The following AFF3 variants were observed in gnomAD, a reference collection of about 807,000 sequenced individuals.
AFF3 encodes AF4/FMR2 family member 3.
Under a neutral mutation model 129.7 loss-of-function variants are expected in AFF3, and 32 were observed. That is an observed-to-expected ratio of 0.25 (90% confidence interval 0.19 to 0.33). The LOEUF is 0.33. AFF3 is among the 10% of genes least tolerant of loss of function. AFF3 has a pLI of 1.00. For synonymous variants in AFF3, 644 were observed against 635.4 expected (o/e 1.01, Z -0.20); for missense variants, 1,373 against 1,592.0 (o/e 0.86, Z 2.34).
At chr2:99,788,011 G>A (rs1684929788) in intron 8 of AFF3, among the ~76,000 whole-genome samples, 1 of 152,210 alleles carries the variant, frequency 6.6e-6, no homozygotes, top group African/African-American at 2.4e-5. Context: ...CTATCACCTA[G>A]TGATGCAATA....
At chr2:99,658,527 T>C (rs1685954333) in intron 12 of AFF3, among the ~76,000 whole-genome samples, 1 of 152,166 alleles carries the variant, frequency 6.6e-6, no homozygotes, top group African/African-American at 2.4e-5. Flanking sequence ...GTAGTTGTTT[T>C]TTAGTAGAGA....
At chr2:100,018,312 T>C (rs897449868) in intron 4 of AFF3, among the ~76,000 whole-genome samples, 6 of 152,188 alleles carry the variant, frequency 3.9e-5, no homozygotes, top group African/African-American at 1.4e-4. Flanking sequence ...CAAACTGGTA[T>C]TGGACACTCA....
chr2:100,029,060 C>G (rs1371527163), intron 4 of AFF3, among the ~76,000 whole-genome samples: 1 of 152,124 alleles, frequency 6.6e-6, no homozygotes, highest in Non-Finnish European at 1.5e-5. Flanking sequence ...TGTGCACACT[C>G]ATAGAATGGA....
chr2:99,823,888 G>A (rs1687873462), intron 8 of AFF3, among the ~76,000 whole-genome samples: 1 of 152,074 alleles, frequency 6.6e-6, no homozygotes, highest in Admixed American at 6.6e-5. Flanking sequence ...TCATAAGTAG[G>A]TGCTAGACAC....
intron 12 of AFF3, among the ~76,000 whole-genome samples, chr2:99,657,185 C>T (rs1685824043): frequency 6.6e-6 from 1 of 152,148 alleles, no homozygotes; most frequent in Admixed American, 6.5e-5. Flanking sequence ...CAGCAGAGGA[C>T]GAATCCTTCT....
intron 7 of AFF3, among the ~76,000 whole-genome samples, chr2:99,974,205 A>AT (rs1045414023): frequency 9.2e-5 from 14 of 152,028 alleles, no homozygotes; most frequent in African/African-American, 3.1e-4. Flanking sequence ...AAATGTGATA[A>AT]TTTTTTTTAA....
At chr2:99,725,595 G>A (rs1387625978) in intron 11 of AFF3, among the ~76,000 whole-genome samples, 1 of 152,146 alleles carries the variant, frequency 6.6e-6, no homozygotes, top group South Asian at 2.1e-4. Flanking sequence ...CTCCCAAAGT[G>A]TTGGGATTAC....
At chr2:99,830,734 C>CA (rs1423853494) in intron 8 of AFF3, among the ~76,000 whole-genome samples, 2 of 151,998 alleles carry the variant, frequency 1.3e-5, no homozygotes, top group Non-Finnish European at 2.9e-5. Context: ...GACTTTGTCT[C>CA]AAAAAAGACA....
chr2:99,698,836 C>A (rs1230598145), intron 11 of AFF3, among the ~76,000 whole-genome samples: 1 of 151,962 alleles, frequency 6.6e-6, no homozygotes, highest in Non-Finnish European at 1.5e-5. Context: ...TAAATATAAC[C>A]AAAATGTTAT....
At chr2:99,963,716 AAAATAG>A (rs1447357484) in intron 7 of AFF3, among the ~76,000 whole-genome samples, 1 of 152,088 alleles carries the variant, frequency 6.6e-6, no homozygotes, top group Non-Finnish European at 1.5e-5. Context: ...GACAATTAAG[AAAATAG>A]AAACAGAAGA....
chr2:99,808,275 C>G (rs911679630), intron 8 of AFF3, among the ~76,000 whole-genome samples: 1 of 152,088 alleles, frequency 6.6e-6, no homozygotes, highest in African/African-American at 2.4e-5. Context: ...AACAAGTGAA[C>G]AAGGCAGAAT....
intron 4 of AFF3, among the ~76,000 whole-genome samples, chr2:100,036,672 T>C (rs1164231699): frequency 2.0e-5 from 3 of 151,234 alleles, no homozygotes; most frequent in Non-Finnish European, 4.4e-5. Flanking sequence ...AAAAGATATG[T>C]GACATATAAG....
At chr2:99,761,127 C>T (rs761499795) in intron 8 of AFF3, among the ~76,000 whole-genome samples, 6 of 151,726 alleles carry the variant, frequency 4.0e-5, no homozygotes, top group Non-Finnish European at 8.8e-5. Flanking sequence ...CACAGCATCG[C>T]CAGTCCCTTC....
intron 20 of AFF3, among the ~76,000 whole-genome samples, chr2:99,563,891 G>A (rs530468806): frequency 1.3e-4 from 19 of 151,504 alleles, no homozygotes; most frequent in South Asian, 2.1e-4. Context: ...TGTATTTTGC[G>A]TGATTCTATC....
intron 8 of AFF3, among the ~76,000 whole-genome samples, chr2:99,789,291 C>A (rs10204617): frequency 0.72 from 108,853 of 151,492 alleles, 40,736 homozygotes; most frequent in South Asian, 0.9. Flanking sequence ...CTGGGCATGG[C>A]AGTGCATGTA....
At position 99,554,372 on chromosome 2, in the gene AFF3, G is replaced by A; in HGVS notation, c.3498C>T (p.Asn1166=). The change falls in exon 24 of 25, where the codon AAC becomes AAT. Residue 1166 remains asparagine, a synonymous_variant. Transcript: ENST00000672756. ...QMAANHVSIT[N]SILHSYDYWE... ...AGTAGTCGTAGCTGTGCAGGATGCTGTTGGTGATGCTGACGTGGTTGGCCG... is the reference window on the plus strand; with the variant it reads ...AGTAGTCGTAGCTGTGCAGGATGCTATTGGTGATGCTGACGTGGTTGGCCG... The A allele has an allele frequency of 6.2e-7, 1 of 1,614,228 alleles. No individual in the cohort carries two copies. Among genetic ancestry groups the A allele is most frequent in the Non-Finnish European group, 8.5e-7 (1 of 1,180,046 alleles).
At position 100,058,893 on chromosome 2, in the gene AFF3, T is replaced by G. The variant is rs572343362; in HGVS notation, c.53+45509A>C. On this transcript the variant is annotated intron_variant, in intron 4 of 24. Coordinates refer to ENST00000672756, the MANE Select transcript of AFF3 (RefSeq NM_001386135.1). ...GTAAATCATGTATCTGATAAGGGAC[T>G]TGTACCTGAAATATACACTGAATTC... Among the ~76,000 whole-genome samples, 10 of 152,286 alleles carry G rather than the reference T, an allele frequency of 6.6e-5. No individual in the cohort carries two copies. In the South Asian group the frequency reaches 1.0e-3, roughly 16 times the overall value.
chr2:99,668,577 T>C (rs2104414256), intron 12 of AFF3, among the ~76,000 whole-genome samples: 1 of 151,508 alleles, frequency 6.6e-6, no homozygotes, highest in African/African-American at 2.4e-5. Flanking sequence ...TTTGTTTTTT[T>C]TTCGAGAAGG....
chr2:99,643,021 T>C (rs529135768), intron 13 of AFF3, among the ~76,000 whole-genome samples: 1 of 151,394 alleles, frequency 6.6e-6, no homozygotes, highest in African/African-American at 2.4e-5. Flanking sequence ...ATGGATTTTT[T>C]AAAAGTTTTT....
Sources: gnomAD v4.1 joint callset for allele counts (sites outside exome capture counted in the v4.1 genomes callset) on GRCh38, gnomAD v4.1.1 for gene constraint, MANE v1.5 for transcripts, NCBI Gene and HGNC (gene_info 2026-07-23, HGNC 2026-07-21) for gene names.